Variants in ZNF875 observed in about 807,000 individuals in gnomAD.
The protein encoded by ZNF875 is HKR1, GLI-Kruppel zinc finger family member.
Under a neutral mutation model 11.2 loss-of-function variants are expected in ZNF875, and 14 were observed. The observed-to-expected ratio is 1.26, with a 90% CI of 0.83 to 1.96. ZNF875 has a LOEUF of 1.96. Ranked by LOEUF, ZNF875 falls within the 30% of genes most tolerant of loss-of-function variation. The probability of loss-of-function intolerance (pLI) is 0.00; values close to 1 mark genes in which losing one functional copy is unlikely to be tolerated. For synonymous variants in ZNF875, 301 were observed against 281.1 expected, an observed-to-expected ratio of 1.07 and a Z score of -0.71; for missense variants, 752 against 760.4, an observed-to-expected ratio of 0.99 and a Z score of 0.13.
At chr19:37,318,636 C>T (rs1346037694) in intron 1 of ZNF875, among the ~76,000 whole-genome samples, 1 of 151,814 alleles carries the variant, frequency 6.6e-6, no homozygotes, top group Admixed American at 6.6e-5. Context: ...ATTCTCCTGC[C>T]TCAGCCTCCC....
intron 4 of ZNF875, among the ~76,000 whole-genome samples, chr19:37,328,356 A>T (rs556590170): frequency 6.6e-6 from 1 of 152,184 alleles, no homozygotes; most frequent in Non-Finnish European, 1.5e-5. Flanking sequence ...CCCAAAGTTC[A>T]TGTGTTGGAA....
rs1267998695 is a variant in ZNF875 at position 37,321,818 on chromosome 19, G to A, written c.-746-367G>A. 2.0e-5 allele frequency among the ~76,000 whole-genome samples: 3 copies of A among 152,244 alleles called. No individual in the cohort carries two copies. The East Asian group carries it at 5.8e-4, about 29-fold the overall frequency. On this transcript the variant is annotated intron_variant, in intron 1 of 5. Coordinates refer to the ZNF875 transcript ENST00000544914. ...AGGACATCGATTCTGCCTCTCAAAG[G>A]GAGGAGTGGCAAGAAATGTTGAGCC...
At chr19:37,342,849 C>T (rs2036011846) in intron 2 of ZNF875, among the ~76,000 whole-genome samples, 1 of 152,198 alleles carries the variant, frequency 6.6e-6, no homozygotes. Context: ...GTTCAAGCTG[C>T]CATATCAGTT....
At position 37,364,191 on chromosome 19, in the gene ZNF875, C is replaced by A. The variant is rs186017909; in HGVS notation, c.*416C>A. The A allele has an allele frequency of 1.6e-3, 299 of 186,968 alleles. 2 individuals are homozygous for A. Among genetic ancestry groups the A allele is most frequent in the Middle Eastern group, 9.3e-3 (4 of 430 alleles). 11.6% of individuals were successfully genotyped at this position (186,968 alleles called of 1,614,324 possible). The stretch of plus-strand genomic sequence containing the variant: ...TGTGCTTTCCTCCGATTGATCCCAA[C>A]CCTTCACCTATTTTACGTATACCTG... On this transcript the variant is annotated 3_prime_UTR_variant, in exon 5 of 5. Transcript: ENST00000392153.
In ZNF875 at chr19:37,325,828, C is replaced by T. The variant is rs148371483; in HGVS notation, c.-603+1563C>T. Among the ~76,000 whole-genome samples the T allele has an allele frequency of 6.3e-3, 964 of 152,290 alleles. 26 individuals are homozygous for T. Among genetic ancestry groups the T allele is most frequent in the East Asian group, 0.053 (274 of 5,170 alleles). On this transcript the variant is annotated intron_variant, in intron 4 of 5. Coordinates refer to the ZNF875 transcript ENST00000544914. ...GCCGAAATGATCCTCCCACCTCAGC[C>T]TCCCAAGTAGCTGGGACCACAAACA...
At position 37,327,742 on chromosome 19, in the gene ZNF875, C is replaced by A. The variant is rs1489192790; in HGVS notation, c.-603+3477C>A. Among the ~76,000 whole-genome samples, 4 of 135,348 alleles carry A rather than the reference C, an allele frequency of 3.0e-5. No individual in the cohort carries two copies. The East Asian group carries it at 9.0e-4, about 30-fold the overall frequency. 88.8% of individuals were successfully genotyped at this position (135,348 alleles called of 152,430 possible). ...TCTTGCCACTTCACTCCAGCCTGGC[C>A]CACAGAGCAAAACTCCTCAAAAAAA... On this transcript the variant is annotated intron_variant, in intron 4 of 5. Coordinates refer to the ZNF875 transcript ENST00000544914.
chr19:37,334,053 T>C (rs2033803264), upstream of ZNF875, among the ~76,000 whole-genome samples: 1 of 152,056 alleles, frequency 6.6e-6, no homozygotes, highest in South Asian at 2.1e-4. Flanking sequence ...CCAAGTTCAG[T>C]CTGCATCCCC....
intron 1 of ZNF875, among the ~76,000 whole-genome samples, chr19:37,320,088 C>G (rs550226699): frequency 1.3e-5 from 2 of 151,988 alleles, no homozygotes; most frequent in Non-Finnish European, 2.9e-5. Flanking sequence ...GGGGTTTCAC[C>G]GTGGTCTCGA....
chr19:37,326,135 C>T (rs1249599512), intron 4 of ZNF875, among the ~76,000 whole-genome samples: 1 of 152,220 alleles, frequency 6.6e-6, no homozygotes. Flanking sequence ...AGCCACCACA[C>T]TGGCCCATTC....
intron 2 of ZNF875, among the ~76,000 whole-genome samples, chr19:37,335,843 G>T (rs1364415160): frequency 6.6e-6 from 1 of 152,162 alleles, no homozygotes; most frequent in East Asian, 1.9e-4. Context: ...GGAATGCTGA[G>T]TTGGTCACAA....
chr19:37,356,430 T>TTTTG (rs748955956), intron 4 of ZNF875, among the ~76,000 whole-genome samples: 95 of 152,296 alleles, frequency 6.2e-4, no homozygotes, highest in Middle Eastern at 6.8e-3. Flanking sequence ...ACATCTGTTT[T>TTTTG]TTTGTTTGTT....
chr19:37,317,990 A>T (rs1006750484), exon 1 of ZNF875: 1 of 155,990 alleles, frequency 6.4e-6, no homozygotes, highest in Non-Finnish European at 1.4e-5. Context: ...CGCCCACCGG[A>T]CGTGGGACGC....
rs2032951330 is a variant in ZNF875 at position 37,328,898 on chromosome 19, TC to T, written c.-603+4637del. On this transcript the variant is annotated intron_variant, in intron 4 of 5. Transcript: ENST00000544914. ...TGTTGCTTCTTTGCTCCTTAGTTCC[TC>T]CCCTAATCTGATGTTAAATTAGATC... 3 of 152,278 alleles carry T rather than the reference TC, an allele frequency of 2.0e-5. No individual in the cohort carries two copies. In the East Asian group the frequency reaches 5.8e-4, roughly 29 times the overall value. The allele number at this position is 152,278 out of a possible 1,614,324, so 9.4% of individuals were successfully genotyped here. A position where few individuals can be genotyped will look rare whatever the true frequency, so the allele number is the denominator to read the frequency against.
chr19:37,344,562 C>A, intron 2 of ZNF875: 1 of 822,754 alleles, frequency 1.2e-6, no homozygotes, highest in Non-Finnish European at 2.1e-6. Context: ...GGTAAGGCTT[C>A]TTGTGGCCTG....
At chr19:37,360,496 A>G (rs921358267) in intron 4 of ZNF875, among the ~76,000 whole-genome samples, 1 of 152,254 alleles carries the variant, frequency 6.6e-6, no homozygotes, top group African/African-American at 2.4e-5. Context: ...TGATACCATG[A>G]TTATGTTGAA....
At chr19:37,318,121 G>C (rs1242372830) in exon 1 of ZNF875, 1 of 154,204 alleles carries the variant, frequency 6.5e-6, no homozygotes, top group East Asian at 1.9e-4. Flanking sequence ...CACCGGACTC[G>C]TGGGCGCCCG....
At chr19:37,347,028 G>C (rs2036918650) in intron 2 of ZNF875, 162 bp from the exon 3 acceptor site, 1 of 762,724 alleles carries the variant, frequency 1.3e-6, no homozygotes. Context: ...TATTGGTCAG[G>C]CTGATCTCAA....
chr19:37,333,325 CTG>C (rs1459480912), upstream of ZNF875, among the ~76,000 whole-genome samples: 5 of 151,692 alleles, frequency 3.3e-5, no homozygotes, highest in African/African-American at 2.4e-5. Context: ...CCATGCCTGA[CTG>C]TGGTTCCCAC....
Position 37,362,774 on chromosome 19 carries a change from A to G in ZNF875, c.922A>G (p.Lys308Glu), listed in dbSNP as rs1600241663. ...ITHQRTHSGE[K>E]PYVCKDCGRG... ...ACATCAGAGGACACACTCAGGGGAG[A>G]AACCTTATGTGTGCAAGGATTGTGG... Residue 308 changes from lysine to glutamate, a missense_variant, in exon 5 of 5, where the codon AAA becomes GAA. Coordinates refer to ENST00000392153, the MANE Select transcript of ZNF875 (RefSeq NM_001353803.2). 2.5e-6 allele frequency: 4 copies of G among 1,614,006 alleles called. No individual in the cohort carries two copies. In the Middle Eastern group the frequency reaches 6.6e-4, roughly 266 times the overall value.
Sources: allele counts gnomAD v4.1 joint callset (sites outside exome capture counted in the v4.1 genomes callset), GRCh38; gene constraint gnomAD v4.1.1; transcripts MANE v1.5; gene names NCBI Gene and HGNC (gene_info 2026-07-23, HGNC 2026-07-21).